SGSM2: variants seen among roughly 807,000 people sequenced by gnomAD.
The protein encoded by SGSM2 is RUN and TBC1 domain containing 1.
A neutral mutation model predicts 126.6 loss-of-function variants in SGSM2; 89 were observed. The ratio of observed to expected loss-of-function variants is 0.70; its 90% confidence interval spans 0.59 to 0.84. The LOEUF (loss-of-function observed/expected upper bound fraction) is 0.84. Among genes scored for constraint, SGSM2 ranks in the 40% least tolerant of loss-of-function variants. The probability of loss-of-function intolerance (pLI) is 0.00; values close to 1 mark genes in which losing one functional copy is unlikely to be tolerated. For missense variants in SGSM2, 1,404 were observed against 1,416.6 expected (o/e 0.99, Z 0.14); for synonymous variants, 614 against 574.3 (o/e 1.07, Z -0.99).
chr17:2,365,142 G>C, intron 10 of SGSM2, 73 bp from the exon 11 acceptor site: 1 of 1,593,054 alleles, frequency 6.3e-7, no homozygotes, highest in Non-Finnish European at 8.6e-7. Flanking sequence ...GGAGTTCTTA[G>C]GAGCGGCCTT....
rs1353341412 is a variant in SGSM2, at chr17:2,337,785, G to C, written c.57+40G>C. On this transcript the variant is annotated intron_variant, in intron 1 of 23. Transcript: ENST00000268989. This position sits in a 1 kb window ranked among gnomAD's most constrained non-coding sequence, Gnocchi z 5.1. ...AGAACCCCGGGGGGCTCGCGCCCTG[G>C]CCCGCGCGGCCCAGGGGGCAGAAAG... 6.8e-7 allele frequency: 1 copy of C among 1,460,162 alleles called. No homozygotes were observed. The allele number at this position is 1,460,162 out of a possible 1,614,324, so 90.5% of individuals were successfully genotyped here.
At chr17:2,341,695 T>C (rs2064377274) in intron 1 of SGSM2, among the ~76,000 whole-genome samples, 2 of 152,250 alleles carry the variant, frequency 1.3e-5, no homozygotes, top group Admixed American at 1.3e-4. Context: ...GACTGCCTGC[T>C]AGCAGGTTCT....
chr17:2,375,781 T>G lies in SGSM2; in HGVS notation c.2390T>G (p.Leu797Trp), dbSNP rs754623052. The part of the protein sequence containing the change: ...SSGPGPAAHT[L>W]REPQDPSQEK... ...GGGCCCGGCCCTGCAGCTCACACTT[T>G]GAGGGAGCCCCAGGATCCCAGCCAG... is the stretch of plus-strand genomic sequence containing the variant. Residue 797 changes from leucine (L) to tryptophan (W), a missense_variant, in exon 18 of 24, where the codon TTG becomes TGG. Transcript: ENST00000268989. 6.2e-5 allele frequency: 99 copies of G among 1,584,804 alleles called. No homozygotes were observed. The highest frequency in any genetic ancestry group is 4.5e-4 in the South Asian group (39 of 87,610).
Position 2,365,343 on chromosome 17 carries a change from T to C in SGSM2, c.1288+2T>C. ...ACCCCGGCCACAGGCACGAGCACAG[T>C]GAGTGTCCCGAGCTTCATCCCGGGG... On this transcript the variant is annotated splice_donor_variant, in intron 11 of 23. Transcript: ENST00000268989. LOFTEE classifies it high-confidence loss of function. The C allele has an allele frequency of 6.5e-7, 1 of 1,546,174 alleles. No individual in the cohort carries two copies. Among genetic ancestry groups the C allele is most frequent in the Non-Finnish European group, 8.8e-7 (1 of 1,141,922 alleles).
At chr17:2,344,886 G>A (rs777794086) in intron 2 of SGSM2, among the ~76,000 whole-genome samples, 7 of 152,114 alleles carry the variant, frequency 4.6e-5, no homozygotes, top group Admixed American at 1.3e-4. Flanking sequence ...AGGAACTTTC[G>A]TGGGGATTGA....
intron 2 of SGSM2, among the ~76,000 whole-genome samples, chr17:2,348,290 C>T (rs1017626054): frequency 3.3e-5 from 5 of 152,164 alleles, no homozygotes; most frequent in African/African-American, 9.7e-5. Context: ...AGTCTTCAGC[C>T]TGTCTCTTTT....
rs940749856 is a variant in SGSM2 at position 2,337,906 on chromosome 17, G to T, written c.57+161G>T. Among the ~76,000 whole-genome samples the T allele has an allele frequency of 1.3e-4, 20 of 151,908 alleles. No homozygotes were observed. Among genetic ancestry groups the T allele is most frequent in the Non-Finnish European group, 4.4e-5 (3 of 67,914 alleles). On this transcript the variant is annotated intron_variant, in intron 1 of 23. Transcript: ENST00000268989. The surrounding 1 kb of genome is among the most constrained non-coding windows in gnomAD (Gnocchi z 5.1). ...TGCGCCTCCTTCCCCTTTCTCGGAT[G>T]GGGGAGGGCAGCGCCCCTCTGCCCG...
At position 2,372,114 on chromosome 17, in the gene SGSM2, G is replaced by A; in HGVS notation, c.1578-76G>A. ...AGTGCCTTACCTGCCCCCCAGGACA[G>A]AGCCTCCTCCCTTCTCTCTCTCCTC... On this transcript the variant is annotated intron_variant, in intron 13 of 23. Coordinates refer to ENST00000268989, the MANE Select transcript of SGSM2 (RefSeq NM_014853.3). This position sits in a 1 kb window ranked among gnomAD's most constrained non-coding sequence, Gnocchi z 6.0. 4 of 1,564,332 alleles carry A rather than the reference G, an allele frequency of 2.6e-6. No homozygotes were observed. The South Asian group carries it at 3.3e-5, about 13-fold the overall frequency.
At position 2,380,354 on chromosome 17, in the gene SGSM2, A is replaced by G. The variant is rs2151654398; in HGVS notation, c.*834A>G. The G allele has an allele frequency of 1.3e-6, 2 of 1,504,296 alleles. No homozygotes were observed. The highest frequency in any genetic ancestry group is 1.8e-6 in the Non-Finnish European group (2 of 1,118,252). The allele number at this position is 1,504,296 out of a possible 1,614,324, so 93.2% of individuals were successfully genotyped here. ...CGGAGCACTTGCTCTGAGGAATCCC[A>G]GGGTGACTCTGTCGGGGAAGAATCC... On this transcript the variant is annotated 3_prime_UTR_variant, in exon 24 of 24. Transcript: ENST00000268989.
In SGSM2 at chr17:2,372,862, G is replaced by T; in HGVS notation, c.1789-91G>T. 6.7e-7 allele frequency: 1 copy of T among 1,496,978 alleles called. No individual in the cohort carries two copies. The allele number at this position is 1,496,978 out of a possible 1,614,324, so 92.7% of individuals were successfully genotyped here. A position where few individuals can be genotyped will look rare whatever the true frequency, so the allele number is the denominator to read the frequency against. ...GGCTTCAGCAGTCACTACAGGCCCC[G>T]CCCCAGCCCATTCTCCGTGGGATGG... On this transcript the variant is annotated intron_variant, in intron 15 of 23. Coordinates refer to ENST00000268989, the MANE Select transcript of SGSM2 (RefSeq NM_014853.3). This position sits in a 1 kb window ranked among gnomAD's most constrained non-coding sequence, Gnocchi z 6.0.
At position 2,372,330 on chromosome 17, in the gene SGSM2, C is replaced by T; in HGVS notation, c.1643-13C>T. 1 of 1,604,070 alleles carries T rather than the reference C, an allele frequency of 6.2e-7. No homozygotes were observed. Among genetic ancestry groups the T allele is most frequent in the Non-Finnish European group, 8.5e-7 (1 of 1,175,506 alleles). The stretch of plus-strand genomic sequence containing the variant: ...GGTCCCAGCCTCCTGCTGCCCACCG[C>T]TGCCCACCGCAGGGCTGGCACACTG... On this transcript the variant is annotated splice_polypyrimidine_tract_variant and intron_variant, in intron 14 of 23. Coordinates refer to ENST00000268989, the MANE Select transcript of SGSM2 (RefSeq NM_014853.3). This position sits in a 1 kb window ranked among gnomAD's most constrained non-coding sequence, Gnocchi z 6.0.
intron 2 of SGSM2, among the ~76,000 whole-genome samples, chr17:2,344,428 T>C (rs895825961): frequency 3.9e-5 from 6 of 152,074 alleles, no homozygotes; most frequent in Non-Finnish European, 7.4e-5. Context: ...GTGTTGGGGT[T>C]TGTGGAGGGA....
intron 1 of SGSM2, among the ~76,000 whole-genome samples, chr17:2,341,576 A>C (rs2064370450): frequency 6.6e-6 from 1 of 152,244 alleles, no homozygotes; most frequent in Non-Finnish European, 1.5e-5. Context: ...CCTGGACAGC[A>C]TCAGAACATT....
At position 2,372,620 on chromosome 17, in the gene SGSM2, G is replaced by T; in HGVS notation, c.1788+132G>T. The T allele has an allele frequency of 7.7e-7, 1 of 1,297,784 alleles. No individual in the cohort carries two copies. Among genetic ancestry groups the T allele is most frequent in the Admixed American group, 2.6e-5 (1 of 38,402 alleles). 80.4% of individuals were successfully genotyped at this position (1,297,784 alleles called of 1,614,324 possible). On this transcript the variant is annotated intron_variant, in intron 15 of 23. Transcript: ENST00000268989. The surrounding 1 kb of genome is among the most constrained non-coding windows in gnomAD (Gnocchi z 6.0). ...GATGCCACGGAGTGACCAGGGTCCC[G>T]GCAGAATCTCTTGCAGCTGGGCCTG...
chr17:2,371,273 A>G lies in SGSM2; in HGVS notation c.1435A>G (p.Met479Val). ...APNPMKDAGD[M>V]IEMQGFGPSL... ...CTTCCTGCCCGCAGACGCTGGTGAC[A>G]TGATCGAGATGCAGGGCTTTGGGCC... The change falls in exon 13 of 24, where the codon ATG becomes GTG. Residue 479 changes from methionine (M) to valine (V), a missense_variant. Physicochemically the swap from Met to Val is conservative, Grantham distance 21. Transcript: ENST00000268989. 6.2e-7 allele frequency: 1 copy of G among 1,611,878 alleles called. No individual in the cohort carries two copies. Among genetic ancestry groups the G allele is most frequent in the Non-Finnish European group, 8.5e-7 (1 of 1,179,818 alleles).
Position 2,373,321 on chromosome 17 carries a change from C to CT in SGSM2, c.1918-9dup. The CT allele has an allele frequency of 6.2e-7, 1 of 1,609,220 alleles. No homozygotes were observed. Among genetic ancestry groups the CT allele is most frequent in the South Asian group, 1.1e-5 (1 of 90,900 alleles). On this transcript the variant is annotated splice_polypyrimidine_tract_variant and intron_variant, in intron 16 of 23. Transcript: ENST00000268989. The stretch of plus-strand genomic sequence containing the variant: ...GCTTCCCCCATGGTCGTGGTGTGGT[C>CT]TGAGTACAGGTGGACGCAGTGGTGG...
intron 12 of SGSM2, among the ~76,000 whole-genome samples, chr17:2,368,855 ACTT>A (rs1458890497): frequency 6.6e-6 from 1 of 152,206 alleles, no homozygotes; most frequent in African/African-American, 2.4e-5. Context: ...CCACGGAGCT[ACTT>A]CTTCCCCCAC....
chr17:2,361,837 C>T (rs1296990632), intron 3 of SGSM2, 38 bp downstream of exon 3: 2 of 1,553,626 alleles, frequency 1.3e-6, no homozygotes, highest in Admixed American at 1.9e-5. Context: ...CTCCTTTCAG[C>T]TCTTCCCACT....
intron 2 of SGSM2, among the ~76,000 whole-genome samples, chr17:2,352,872 G>T (rs2064923666): frequency 7.5e-6 from 1 of 133,006 alleles, no homozygotes; most frequent in African/African-American, 3.1e-5. Flanking sequence ...CTGCCTCCCG[G>T]GTTCACGCCA....
Sources: allele counts gnomAD v4.1 joint callset (sites outside exome capture counted in the v4.1 genomes callset), GRCh38; gene constraint gnomAD v4.1.1; non-coding constraint Gnocchi (gnomAD v3.1); transcripts MANE v1.5; gene names NCBI Gene and HGNC (gene_info 2026-07-23, HGNC 2026-07-21).